The following SLC35D4 variants were observed in gnomAD, a reference collection of about 807,000 sequenced individuals.
SLC35D4 encodes the protein UDP-N-acetylglucosamine transporter SLC35D4.
At chr18:23,397,042 G>A in the SLC35D4 span, among the ~76,000 whole-genome samples, 1 of 152,124 alleles carries the variant, frequency 6.6e-6, no homozygotes, top group Non-Finnish European at 1.5e-5. Context: ...CATTTACCAT[G>A]GTCTTCTGAG....
the SLC35D4 span, among the ~76,000 whole-genome samples, chr18:23,244,401 T>C: frequency 6.6e-6 from 1 of 152,208 alleles, no homozygotes; most frequent in Non-Finnish European, 1.5e-5. Flanking sequence ...GATTCGGTAT[T>C]TTGAATTCGA....
At chr18:23,278,651 G>A in the SLC35D4 span, among the ~76,000 whole-genome samples, 5 of 152,060 alleles carry the variant, frequency 3.3e-5, no homozygotes, top group African/African-American at 4.8e-5. Flanking sequence ...TAAATGCTAC[G>A]CGTGAAATCA....
the SLC35D4 span, among the ~76,000 whole-genome samples, chr18:23,280,443 G>A: frequency 6.6e-6 from 1 of 152,222 alleles, no homozygotes; most frequent in Non-Finnish European, 1.5e-5. Context: ...AATCTGTCCT[G>A]TCAGAGTGGC....
the SLC35D4 span, chr18:23,297,488 A>G: frequency 6.6e-6 from 1 of 152,150 alleles, no homozygotes; most frequent in Middle Eastern, 3.2e-3. Flanking sequence ...ACTGTGCTTC[A>G]GCCTAGGCGA....
At chr18:23,318,849 TA>T in the SLC35D4 span, among the ~76,000 whole-genome samples, 4 of 152,098 alleles carry the variant, frequency 2.6e-5, no homozygotes, top group African/African-American at 9.7e-5. Context: ...TACTTCATAG[TA>T]ATTTTTTTTT....
the SLC35D4 span, among the ~76,000 whole-genome samples, chr18:23,343,390 C>T: frequency 5.2e-4 from 79 of 151,994 alleles, no homozygotes; most frequent in African/African-American, 1.9e-3. Context: ...TACAGGCATG[C>T]GCCACCACAT....
At chr18:23,309,227 ATTGTGT>A in the SLC35D4 span, among the ~76,000 whole-genome samples, 1 of 73,130 alleles carries the variant, frequency 1.4e-5, no homozygotes, top group Non-Finnish European at 2.5e-5. Flanking sequence ...CAAAGGGCTG[ATTGTGT>A]GTGTGTGTGT....
the SLC35D4 span, among the ~76,000 whole-genome samples, chr18:23,417,051 G>T: frequency 6.6e-6 from 1 of 152,026 alleles, no homozygotes; most frequent in East Asian, 1.9e-4. Flanking sequence ...AGACCAGCCT[G>T]GGCAATATTG....
the SLC35D4 span, among the ~76,000 whole-genome samples, chr18:23,423,040 G>A: frequency 2.0e-5 from 3 of 152,178 alleles, no homozygotes; most frequent in Non-Finnish European, 2.9e-5. Flanking sequence ...CAAGTCACTT[G>A]GGTGTGACAC....
the SLC35D4 span, among the ~76,000 whole-genome samples, chr18:23,347,856 T>C: frequency 1.6e-3 from 248 of 152,348 alleles, 2 homozygotes; most frequent in African/African-American, 5.7e-3. Context: ...TTAAACTTTA[T>C]TATATCCTTC....
the SLC35D4 span, chr18:23,257,032 A>G: frequency 1.2e-5 from 7 of 596,740 alleles, no homozygotes; most frequent in African/African-American, 9.4e-5. Context: ...CCCTCGGGAA[A>G]GGAGCAGCTC....
the SLC35D4 span, among the ~76,000 whole-genome samples, chr18:23,286,537 C>A: frequency 6.6e-6 from 1 of 151,972 alleles, no homozygotes; most frequent in African/African-American, 2.4e-5. Context: ...CTGATGCTGC[C>A]CGATCGCCTC....
the SLC35D4 span, among the ~76,000 whole-genome samples, chr18:23,373,440 C>T: frequency 1.3e-5 from 2 of 152,192 alleles, no homozygotes; most frequent in African/African-American, 4.8e-5. Flanking sequence ...GCAGGTTCAC[C>T]AGGCATGTAC....
chr18:23,349,299 G>A, the SLC35D4 span, among the ~76,000 whole-genome samples: 1 of 152,208 alleles, frequency 6.6e-6, no homozygotes, highest in South Asian at 2.1e-4. Context: ...ATGTCTCACA[G>A]GTCTCTGAGG....
At chr18:23,385,414 A>G in the SLC35D4 span, among the ~76,000 whole-genome samples, 1 of 152,256 alleles carries the variant, frequency 6.6e-6, no homozygotes, top group Non-Finnish European at 1.5e-5. Flanking sequence ...CGGCACACGC[A>G]GAGCAAGCTT....
At chr18:23,426,085 T>C in the SLC35D4 span, among the ~76,000 whole-genome samples, 2 of 152,160 alleles carry the variant, frequency 1.3e-5, no homozygotes, top group Non-Finnish European at 2.9e-5. Context: ...CACCATACAC[T>C]AAATTAAACT....
At chr18:23,404,137 CAT>C in the SLC35D4 span, among the ~76,000 whole-genome samples, 1 of 152,118 alleles carries the variant, frequency 6.6e-6, no homozygotes, top group Non-Finnish European at 1.5e-5. Context: ...AGTAAATACA[CAT>C]AACATTTTCT....
chr18:23,345,477 A>G, the SLC35D4 span, among the ~76,000 whole-genome samples: 27 of 97,576 alleles, frequency 2.8e-4, no homozygotes, highest in Non-Finnish European at 4.4e-4. Flanking sequence ...GGGAGACTCC[A>G]TCTCAAAAAA....
chr18:23,431,951 C>CT, the SLC35D4 span, among the ~76,000 whole-genome samples: 2 of 152,252 alleles, frequency 1.3e-5, no homozygotes, highest in African/African-American at 4.8e-5. Context: ...TATATATCTA[C>CT]TTTTTTCCCA....
Sources: allele counts gnomAD v4.1 joint callset (sites outside exome capture counted in the v4.1 genomes callset), GRCh38; gene constraint gnomAD v4.1.1; transcripts MANE v1.5; gene names NCBI Gene and HGNC (gene_info 2026-07-23, HGNC 2026-07-21).